TTLL3: variants seen among roughly 807,000 people sequenced by gnomAD.
The protein encoded by TTLL3 is tubulin monoglycylase TTLL3.
In TTLL3, 63 loss-of-function variants were observed where a neutral mutation model predicts 75.2. The observed-to-expected ratio is 0.84, with a 90% confidence interval of 0.68 to 1.03. The LOEUF is 1.03. TTLL3 is among the 50% of genes least tolerant of loss of function. The pLI is 0.00. For missense variants in TTLL3, 997 were observed against 1,069.9 expected, an observed-to-expected ratio of 0.93 and a Z score of 0.95; for synonymous variants, 393 against 418.5, an observed-to-expected ratio of 0.94 and a Z score of 0.74.
rs773546277 is a variant in TTLL3 at position 9,820,618 on chromosome 3, G to A, written c.731G>A (p.Cys244Tyr). ...CCAGAGTTTGTGGATGAAGCTCTGT[G>A]TGCGTGCGAGGAGTACCTTAGCAAC... ...VSPEFVDEAL[C>Y]ACEEYLSNLA... The change falls in exon 8 of 14, where the codon TGT (cysteine) becomes TAT (tyrosine). Residue 244 changes from cysteine (C) to tyrosine (Y), a missense_variant. Transcript: ENST00000685419. The A allele has an allele frequency of 2.5e-6, 4 of 1,614,118 alleles. No homozygotes were observed. The South Asian group carries it at 3.3e-5, about 13-fold the overall frequency.
At chr3:9,811,388 C>T (rs1027034089) in intron 2 of TTLL3, among the ~76,000 whole-genome samples, 1 of 152,230 alleles carries the variant, frequency 6.6e-6, no homozygotes, top group African/African-American at 2.4e-5. Flanking sequence ...CAGTTCCTCA[C>T]GCCAGAAATC....
In TTLL3 at chr3:9,810,364, A is replaced by C. The variant is rs1259683850; in HGVS notation, c.-72A>C. 1 of 1,327,910 alleles carries C rather than the reference A, an allele frequency of 7.5e-7. No individual in the cohort carries two copies. Among genetic ancestry groups the C allele is most frequent in the Non-Finnish European group, 9.5e-7 (1 of 1,056,980 alleles). The allele number at this position is 1,327,910 out of a possible 1,614,324, so 82.3% of individuals were successfully genotyped here. A position where few individuals can be genotyped will look rare whatever the true frequency, so the allele number is the denominator to read the frequency against. Reference sequence around the variant, plus strand: ...TACCCACCCCCTCGGCCCCCCGCACACCCCGGTCCTCGACCCCTCTCCGCA... The same window carrying C: ...TACCCACCCCCTCGGCCCCCCGCACCCCCCGGTCCTCGACCCCTCTCCGCA... On this transcript the variant is annotated 5_prime_UTR_variant, in exon 1 of 14. Coordinates refer to ENST00000685419, the MANE Select transcript of TTLL3 (RefSeq NM_001387446.1). This position sits in a 1 kb window ranked among gnomAD's most constrained non-coding sequence, Gnocchi z 4.4.
At chr3:9,810,256 G>A (rs2079213720), upstream of TTLL3, 3 of 1,508,964 alleles carry the variant, frequency 2.0e-6, no homozygotes, top group Non-Finnish European at 8.8e-7. The surrounding 1 kb of genome is among the most constrained non-coding windows in gnomAD (Gnocchi z 4.4). Flanking sequence ...CAGATGCCAG[G>A]CGGGCAGCCC....
At chr3:9,828,454 G>A (rs538752501) in intron 10 of TTLL3, 4 of 159,574 alleles carry the variant, frequency 2.5e-5, no homozygotes, top group Non-Finnish European at 5.5e-5. Context: ...TTGTATACAT[G>A]ATCTCATTCT....
chr3:9,836,190 T>G lies in TTLL3; in HGVS notation c.*701T>G, dbSNP rs981985366. On this transcript the variant is annotated 3_prime_UTR_variant, in exon 14 of 14. Transcript: ENST00000685419. The stretch of plus-strand genomic sequence containing the variant: ...GGCACACACCTGTAGTCCTAGCTAC[T>G]CGGGAGGCCTAGGTGGGAGGATTAC... 4 of 152,086 alleles carry G rather than the reference T, an allele frequency of 2.6e-5. No individual in the cohort carries two copies. The highest frequency in any genetic ancestry group is 9.7e-5 in the African/African-American group (4 of 41,364). The allele number at this position is 152,086 out of a possible 1,614,324, so 9.4% of individuals were successfully genotyped here.
chr3:9,827,192 G>C lies in TTLL3; in HGVS notation c.1199G>C (p.Ser400Thr), dbSNP rs1311891423. The change falls in exon 10 of 14, where the codon AGC (serine) becomes ACC (threonine). Residue 400 changes from serine (S) to threonine (T), a missense_variant. Coordinates refer to ENST00000685419, the MANE Select transcript of TTLL3 (RefSeq NM_001387446.1). Reference protein sequence around the residue: ...NPLTVWFYRDSYIRFSTQPFS... With the variant: ...NPLTVWFYRDTYIRFSTQPFS... ...CTTACCGTGTGGTTCTACCGCGACA[G>C]CTATATCCGCTTTTCCACGCAGCCC... is the stretch of plus-strand genomic sequence containing the variant. 1.9e-6 allele frequency: 3 copies of C among 1,614,244 alleles called. No homozygotes were observed. The highest frequency in any genetic ancestry group is 1.7e-6 in the Non-Finnish European group (2 of 1,180,050).
At chr3:9,817,514 G>A (rs11131190) in intron 5 of TTLL3, 131 bp from the exon 6 acceptor site, 697,215 of 1,541,542 alleles carry the variant, frequency 0.45, 166,515 homozygotes, top group Non-Finnish European at 0.5. Context: ...GGTGATAGAT[G>A]TGAGCAACTC....
intron 9 of TTLL3, 98 bp downstream of exon 9, chr3:9,826,046 T>C: frequency 2.0e-6 from 3 of 1,500,396 alleles, no homozygotes; most frequent in Non-Finnish European, 2.7e-6. Context: ...TGAAGCCAAA[T>C]TGCCTGGGTT....
chr3:9,818,953 C>A (rs2080152805), intron 7 of TTLL3, 33 bp downstream of exon 7: 1 of 1,613,696 alleles, frequency 6.2e-7, no homozygotes, highest in Admixed American at 1.7e-5. Flanking sequence ...CTCTCCCACC[C>A]ATTTATCCTC....
At chr3:9,824,380 C>T (rs4686376) in intron 8 of TTLL3, among the ~76,000 whole-genome samples, 34 of 152,308 alleles carry the variant, frequency 2.2e-4, no homozygotes, top group Admixed American at 9.2e-4. Flanking sequence ...GTATGGCCTT[C>T]GGTAAGTCCC....
In TTLL3 at chr3:9,835,739, C is replaced by G. The variant is rs186651892; in HGVS notation, c.*250C>G. 1.6e-4 allele frequency: 77 copies of G among 481,630 alleles called. 1 individual carries two copies. In the Admixed American group the frequency reaches 2.1e-3, roughly 13 times the overall value. The allele number at this position is 481,630 out of a possible 1,614,324, so 29.8% of individuals were successfully genotyped here. A position where few individuals can be genotyped will look rare whatever the true frequency, so the allele number is the denominator to read the frequency against. ...CTGGGAGCCCCCCAACCCCAGAGAACAAGCCAAGCTAGCAGAATGACACCT... is the reference window on the plus strand; with the variant it reads ...CTGGGAGCCCCCCAACCCCAGAGAAGAAGCCAAGCTAGCAGAATGACACCT... On this transcript the variant is annotated 3_prime_UTR_variant, in exon 14 of 14. Coordinates refer to ENST00000685419, the MANE Select transcript of TTLL3 (RefSeq NM_001387446.1).
In TTLL3 at chr3:9,810,520, G is replaced by A; in HGVS notation, c.-41-101G>A. The stretch of plus-strand genomic sequence containing the variant: ...GTGGGCATCTGGATGAAGGCAGGAG[G>A]AAGAAAAGAGGCGTGGCTATGGGCG... On this transcript the variant is annotated intron_variant, in intron 1 of 13. Transcript: ENST00000685419. This position sits in a 1 kb window ranked among gnomAD's most constrained non-coding sequence, Gnocchi z 4.4. 2 of 1,471,984 alleles carry A rather than the reference G, an allele frequency of 1.4e-6. No individual in the cohort carries two copies. Among genetic ancestry groups the A allele is most frequent in the East Asian group, 2.5e-5 (1 of 39,480 alleles). 91.2% of individuals were successfully genotyped at this position (1,471,984 alleles called of 1,614,324 possible).
chr3:9,820,513 A>G (rs1410640743), intron 7 of TTLL3, 33 bp from the exon 8 acceptor site: 6 of 1,610,738 alleles, frequency 3.7e-6, no homozygotes, highest in Non-Finnish European at 5.1e-6. Flanking sequence ...CTGCCTTGAT[A>G]TGGGATCGTG....
At chr3:9,809,804 C>T (rs2079176471), upstream of TTLL3, 1 of 397,614 alleles carries the variant, frequency 2.5e-6, no homozygotes, top group African/African-American at 2.1e-5. Context: ...GCTCGACTGC[C>T]CCGGGGCCCA....
At position 9,835,701 on chromosome 3, in the gene TTLL3, G is replaced by C. The variant is rs1311764011; in HGVS notation, c.*212G>C. The C allele has an allele frequency of 3.8e-6, 2 of 527,510 alleles. No homozygotes were observed. Among genetic ancestry groups the C allele is most frequent in the Non-Finnish European group, 6.5e-6 (2 of 306,750 alleles). 32.7% of individuals were successfully genotyped at this position (527,510 alleles called of 1,614,324 possible). ...GAGTCGACGCAGGGACATATTGCCAGAACTGCCGAGCACTGGGAGCCCCCC... is the reference window on the plus strand; with the variant it reads ...GAGTCGACGCAGGGACATATTGCCACAACTGCCGAGCACTGGGAGCCCCCC... On this transcript the variant is annotated 3_prime_UTR_variant, in exon 14 of 14. Transcript: ENST00000685419.
In TTLL3 at chr3:9,818,206, C is replaced by A. The variant is rs1027590054; in HGVS notation, c.559+447C>A. 6.3e-5 allele frequency: 11 copies of A among 175,760 alleles called. No homozygotes were observed. The East Asian group carries it at 1.7e-3, about 27-fold the overall frequency. 10.9% of individuals were successfully genotyped at this position (175,760 alleles called of 1,614,324 possible). ...GCTAGATTTAAATTACATTCAGAAT[C>A]TGAACTAGGACACAGTCTGGTTCTC... is the stretch of plus-strand genomic sequence containing the variant. On this transcript the variant is annotated intron_variant, in intron 6 of 13. Coordinates refer to ENST00000685419, the MANE Select transcript of TTLL3 (RefSeq NM_001387446.1).
chr3:9,834,701 C>A lies in TTLL3; in HGVS notation c.1846C>A (p.Leu616Ile). Residue 616 changes from leucine (L) to isoleucine (I), a missense_variant, in exon 13 of 14, where the codon CTC (leucine) becomes ATC (isoleucine). Transcript: ENST00000685419. ...CACAGCCCGTCACCACTTCCCCAGC[C>A]TCCACACCAAGGCCCAGCTGCCTTC... ...SGEARHHFPS[L>I]HTKAQLPSPH... The A allele has an allele frequency of 6.2e-7, 1 of 1,614,208 alleles. No homozygotes were observed. Among genetic ancestry groups the A allele is most frequent in the Non-Finnish European group, 8.5e-7 (1 of 1,180,044 alleles).
chr3:9,825,696 G>T (rs768994490), intron 8 of TTLL3, 104 bp from the exon 9 acceptor site: 4 of 1,603,428 alleles, frequency 2.5e-6, no homozygotes, highest in Non-Finnish European at 3.4e-6. Flanking sequence ...CGTGACCAAG[G>T]CTGCCTGGAT....
intron 6 of TTLL3, chr3:9,818,322 C>T (rs2080078940): frequency 6.0e-6 from 1 of 165,918 alleles, no homozygotes; most frequent in African/African-American, 2.4e-5. Context: ...GAATATGATC[C>T]AAGTCAGGTC....
Sources: gnomAD v4.1 joint callset for allele counts (sites outside exome capture counted in the v4.1 genomes callset) on GRCh38, gnomAD v4.1.1 for gene constraint, Gnocchi (gnomAD v3.1) non-coding constraint, MANE v1.5 for transcripts, NCBI Gene and HGNC (gene_info 2026-07-23, HGNC 2026-07-21) for gene names.